The following MTHFD1L variants were observed in gnomAD, a reference collection of about 807,000 sequenced individuals.
MTHFD1L encodes monofunctional C1-tetrahydrofolate synthase, mitochondrial.
A neutral mutation model predicts 119.5 loss-of-function variants in MTHFD1L; 81 were observed. The ratio of observed to expected loss-of-function variants is 0.68; its 90% CI spans 0.57 to 0.82. MTHFD1L has a LOEUF of 0.82. MTHFD1L is among the 40% of genes least tolerant of loss of function. The pLI, the probability that MTHFD1L is intolerant of heterozygous loss-of-function variation, is 0.00. For missense variants in MTHFD1L, 1,125 were observed against 1,253.4 expected (o/e 0.90, Z 1.55); for synonymous variants, 430 against 475.2 (o/e 0.90, Z 1.24).
At position 150,865,743 on chromosome 6, in the gene MTHFD1L, C is replaced by A; in HGVS notation, c.-80C>A. 1 of 1,164,302 alleles carries A rather than the reference C, an allele frequency of 8.6e-7. No homozygotes were observed. The highest frequency in any genetic ancestry group is 2.3e-5 in the South Asian group (1 of 43,172). 72.1% of individuals were successfully genotyped at this position (1,164,302 alleles called of 1,614,324 possible). Reference sequence around the variant, plus strand: ...CTTCCCGCCGCCGCCGCCGCCGCCGCCGCCTGCTCCCCTGGCACGCGCCCC... The same window carrying A: ...CTTCCCGCCGCCGCCGCCGCCGCCGACGCCTGCTCCCCTGGCACGCGCCCC... On this transcript the variant is annotated 5_prime_UTR_variant, in exon 1 of 28. Coordinates refer to ENST00000367321, the MANE Select transcript of MTHFD1L (RefSeq NM_015440.5).
At position 151,057,477 on chromosome 6, in the gene MTHFD1L, CA is replaced by C. The variant is rs1457674356; in HGVS notation, c.2847+20365del. 4.0e-5 allele frequency: 14 copies of C among 350,404 alleles called. No homozygotes were observed. In the Admixed American group the frequency reaches 9.0e-4, roughly 23 times the overall value. 21.7% of individuals were successfully genotyped at this position (350,404 alleles called of 1,614,324 possible). ...GCAACATAATGAAAACTCATCTCTA[CA>C]AAAAGTTACTGGGCTCAGTGGTGTG... On this transcript the variant is annotated intron_variant, in intron 26 of 27. Transcript: ENST00000367321.
intron 20 of MTHFD1L, among the ~76,000 whole-genome samples, chr6:150,997,255 G>T (rs1456643995): frequency 6.6e-6 from 1 of 152,206 alleles, no homozygotes; most frequent in Non-Finnish European, 1.5e-5. Flanking sequence ...TGCTGGTACT[G>T]TGCTGAGCCC....
At chr6:151,034,710 T>G (rs116668155) in intron 25 of MTHFD1L, 110 bp downstream of exon 25, 1 of 718,464 alleles carries the variant, frequency 1.4e-6, no homozygotes, top group African/African-American at 1.8e-5. Context: ...TTGCTTAATC[T>G]ATTGTATGGT....
In MTHFD1L at chr6:151,088,916, T is replaced by C. The variant is rs148697366; in HGVS notation, c.2848-3551T>C. ...AAGGCGGAGAATTGGGTTTTCTTGT[T>C]TGTAAAGATAGTGCGTGTAAACAAG... On this transcript the variant is annotated intron_variant, in intron 26 of 27. Coordinates refer to ENST00000367321, the MANE Select transcript of MTHFD1L (RefSeq NM_015440.5). Among the ~76,000 whole-genome samples the C allele has an allele frequency of 6.6e-5, 10 of 152,332 alleles. No individual in the cohort carries two copies. In the South Asian group the frequency reaches 1.2e-3, roughly 19 times the overall value.
At chr6:151,048,865 G>T (rs1290641933) in intron 26 of MTHFD1L, among the ~76,000 whole-genome samples, 2 of 152,136 alleles carry the variant, frequency 1.3e-5, no homozygotes, top group African/African-American at 2.4e-5. Context: ...TGGCTGTGTG[G>T]GGGCTTTTCC....
chr6:150,912,776 C>A, intron 8 of MTHFD1L: 1 of 450,066 alleles, frequency 2.2e-6, no homozygotes, highest in Non-Finnish European at 4.6e-6. Flanking sequence ...GTGAAAAGAC[C>A]CGTCCACGGT....
rs76283789 is a variant in MTHFD1L at position 151,081,335 on chromosome 6, G to A, written c.2848-11132G>A. The stretch of plus-strand genomic sequence containing the variant: ...CACTGTCCCAAGAAAACCATAAAGG[G>A]GAAGTTTAAATGATGGATGTAATTT... On this transcript the variant is annotated intron_variant, in intron 26 of 27. Transcript: ENST00000367321. Among the ~76,000 whole-genome samples the A allele has an allele frequency of 1.0e-2, 1,516 of 152,096 alleles. 22 individuals are homozygous for A. The highest frequency in any genetic ancestry group is 0.035 in the African/African-American group (1,447 of 41,492).
intron 11 of MTHFD1L, among the ~76,000 whole-genome samples, chr6:150,932,224 C>G (rs1235883128): frequency 2.0e-5 from 3 of 147,852 alleles, no homozygotes; most frequent in East Asian, 2.0e-4. Flanking sequence ...CTGTTCTGTG[C>G]CCTGAACAGG....
At chr6:151,086,139 C>G (rs1452152188) in intron 26 of MTHFD1L, among the ~76,000 whole-genome samples, 2 of 152,160 alleles carry the variant, frequency 1.3e-5, no homozygotes, top group Non-Finnish European at 2.9e-5. Flanking sequence ...CCCTGCCGAC[C>G]AGGAATGTAG....
intron 16 of MTHFD1L, among the ~76,000 whole-genome samples, chr6:150,955,207 A>G (rs1337681893): frequency 6.6e-6 from 1 of 152,174 alleles, no homozygotes; most frequent in Non-Finnish European, 1.5e-5. Flanking sequence ...TGCCTATTCT[A>G]GGTGCCTGAT....
At chr6:150,937,065 A>G in intron 12 of MTHFD1L, 125 bp downstream of exon 12, 2 of 1,197,596 alleles carry the variant, frequency 1.7e-6, no homozygotes, top group Non-Finnish European at 2.3e-6. Context: ...TCTTCACTGC[A>G]CACTCAGTAC....
intron 20 of MTHFD1L, among the ~76,000 whole-genome samples, chr6:150,976,244 T>C (rs1301660517): frequency 6.6e-6 from 1 of 152,106 alleles, no homozygotes; most frequent in African/African-American, 2.4e-5. Context: ...TGCTCTTCAC[T>C]GGGAGCTGGG....
At chr6:151,042,005 A>G (rs1787208455) in intron 26 of MTHFD1L, 1 of 360,116 alleles carries the variant, frequency 2.8e-6, no homozygotes, top group South Asian at 2.3e-5. Flanking sequence ...GTCATGTTCT[A>G]TTTAATTATT....
chr6:150,984,572 A>G (rs7769490), intron 20 of MTHFD1L, among the ~76,000 whole-genome samples: 29,619 of 100,624 alleles, frequency 0.29, 4,683 homozygotes, highest in East Asian at 0.58. Flanking sequence ...AAAACAAGGG[A>G]AAAAAAAAAA....
chr6:151,085,460 T>C (rs1443255162), intron 26 of MTHFD1L, among the ~76,000 whole-genome samples: 1 of 152,116 alleles, frequency 6.6e-6, no homozygotes, highest in Non-Finnish European at 1.5e-5. Flanking sequence ...TCTTTTGAAG[T>C]GAAAAGTAAA....
At chr6:151,008,338 G>A (rs565555559) in intron 20 of MTHFD1L, among the ~76,000 whole-genome samples, 2 of 152,160 alleles carry the variant, frequency 1.3e-5, no homozygotes, top group African/African-American at 4.8e-5. Flanking sequence ...TGGTCATACC[G>A]TCAGCATATA....
intron 24 of MTHFD1L, among the ~76,000 whole-genome samples, chr6:151,022,643 T>C (rs1021774656): frequency 1.3e-5 from 2 of 152,174 alleles, no homozygotes; most frequent in Non-Finnish European, 2.9e-5. Context: ...GGAAAAGCTG[T>C]CTTCCCCCTC....
chr6:151,027,197 A>T (rs1178456880), intron 24 of MTHFD1L, among the ~76,000 whole-genome samples: 1 of 151,398 alleles, frequency 6.6e-6, no homozygotes, highest in African/African-American at 2.4e-5. Context: ...GCTGATTTTC[A>T]TGCCTCCCTC....
At chr6:151,020,395 TTAA>T (rs1329357019) in intron 24 of MTHFD1L, among the ~76,000 whole-genome samples, 1 of 152,202 alleles carries the variant, frequency 6.6e-6, no homozygotes, top group African/African-American at 2.4e-5. Flanking sequence ...AGCTCACAGG[TTAA>T]GTGAGAAACA....
Sources: gnomAD v4.1 joint callset for allele counts (sites outside exome capture counted in the v4.1 genomes callset) on GRCh38, gnomAD v4.1.1 for gene constraint, MANE v1.5 for transcripts, NCBI Gene and HGNC (gene_info 2026-07-23, HGNC 2026-07-21) for gene names.